MARK3: variants seen among roughly 807,000 people sequenced by gnomAD.
The protein encoded by MARK3 is MAP/microtubule affinity-regulating kinase 3.
Under a neutral mutation model 90.1 loss-of-function variants are expected in MARK3, and 46 were observed. The ratio of observed to expected loss-of-function variants is 0.51; its 90% CI spans 0.40 to 0.65. The LOEUF (loss-of-function observed/expected upper bound fraction) is 0.65, where lower values mean the gene tolerates loss of function less well. Among genes scored for constraint, MARK3 ranks in the 30% least tolerant of loss-of-function variants. The pLI, the probability that MARK3 is intolerant of heterozygous loss-of-function variation, is 0.00. For synonymous variants in MARK3, 321 were observed against 332.6 expected (o/e 0.97, Z 0.38); for missense variants, 818 against 947.2 (o/e 0.86, Z 1.79).
At chr14:103,485,070 A>AAAAT (rs1472139095) in intron 14 of MARK3, among the ~76,000 whole-genome samples, 1 of 145,054 alleles carries the variant, frequency 6.9e-6, no homozygotes, top group African/African-American at 2.6e-5. Context: ...ATACAAAAAA[A>AAAAT]AAAAAAAAAA....
chr14:103,458,813 T>C (rs1263726572), intron 6 of MARK3: 23 of 659,252 alleles, frequency 3.5e-5, no homozygotes, highest in Non-Finnish European at 4.9e-5. Context: ...ATAGGACTTA[T>C]TAAGTTTCTT....
chr14:103,465,459 A>T, intron 7 of MARK3, 98 bp from the exon 8 acceptor site: 1 of 781,498 alleles, frequency 1.3e-6, no homozygotes, highest in Non-Finnish European at 2.2e-6. Context: ...AGGTAACTTC[A>T]TATCATTACA....
intron 12 of MARK3, among the ~76,000 whole-genome samples, chr14:103,472,006 C>T (rs947111102): frequency 6.6e-6 from 1 of 151,822 alleles, no homozygotes; most frequent in Admixed American, 6.6e-5. Context: ...GTCAGGAGAT[C>T]GAGACCATCC....
At chr14:103,467,674 CA>C (rs10525116) in intron 11 of MARK3, 513 of 44,894 alleles carry the variant, frequency 0.011, 1 homozygote, top group South Asian at 0.041. Context: ...GACTCTGTCT[CA>C]AAAAAAAAAA....
intron 3 of MARK3, among the ~76,000 whole-genome samples, chr14:103,435,641 C>G (rs1248097065): frequency 6.6e-6 from 1 of 152,048 alleles, no homozygotes; most frequent in African/African-American, 2.4e-5. Flanking sequence ...ATCTCCTGAC[C>G]TCATGATCTG....
intron 5 of MARK3, among the ~76,000 whole-genome samples, chr14:103,452,324 T>C (rs573302193): frequency 6.6e-6 from 1 of 152,192 alleles, no homozygotes; most frequent in Admixed American, 6.5e-5. Context: ...CCAGAATGTT[T>C]TCATTTTCTA....
chr14:103,449,412 CAAAAAAAA>C (rs34657716), intron 4 of MARK3, among the ~76,000 whole-genome samples: 2 of 83,974 alleles, frequency 2.4e-5, no homozygotes, highest in Non-Finnish European at 4.6e-5. Context: ...CCCGTCTCTC[CAAAAAAAA>C]AAAAAAAAAA....
intron 13 of MARK3, among the ~76,000 whole-genome samples, chr14:103,479,385 T>C (rs1360303636): frequency 1.3e-5 from 2 of 152,222 alleles, no homozygotes; most frequent in Non-Finnish European, 2.9e-5. Context: ...TTGAGTAATA[T>C]GGTAACTCCA....
intron 1 of MARK3, among the ~76,000 whole-genome samples, chr14:103,400,011 T>C (rs1259018987): frequency 6.0e-5 from 9 of 151,256 alleles, no homozygotes; most frequent in Non-Finnish European, 1.3e-4. Flanking sequence ...TCACTGCAAC[T>C]GTCGCCTCCC....
In MARK3 at chr14:103,466,419, A is replaced by G; in HGVS notation, c.974A>G (p.Asp325Gly). The change falls in exon 10 of 18, where the codon GAC becomes GGC. Residue 325 changes from aspartate to glycine, a missense_variant. By Grantham distance (94) the Asp-to-Gly change is moderately conservative (BLOSUM62 -1). Transcript: ENST00000429436. Reference sequence around the variant, plus strand: ...AAACCATTTGTTGAACCAGAGCTAGACATCTCAGACCAAAAAAGAATAGGT... The same window carrying G: ...AAACCATTTGTTGAACCAGAGCTAGGCATCTCAGACCAAAAAAGAATAGGT... ...ELKPFVEPEL[D>G]ISDQKRIDIM... 1 of 1,613,088 alleles carries G rather than the reference A, an allele frequency of 6.2e-7. No individual in the cohort carries two copies. Among genetic ancestry groups the G allele is most frequent in the Non-Finnish European group, 8.5e-7 (1 of 1,179,142 alleles).
intron 1 of MARK3, among the ~76,000 whole-genome samples, chr14:103,394,819 G>T (rs1413169898): frequency 6.6e-6 from 1 of 152,106 alleles, no homozygotes; most frequent in African/African-American, 2.4e-5. Context: ...GTCTTGCTCT[G>T]TTGCCCAGGC....
At chr14:103,388,210 C>T (rs761132757) in intron 1 of MARK3, among the ~76,000 whole-genome samples, 1 of 152,218 alleles carries the variant, frequency 6.6e-6, no homozygotes, top group African/African-American at 2.4e-5. Context: ...GGATTACAGG[C>T]GTGAGCCACC....
chr14:103,477,914 A>G (rs571664928), intron 13 of MARK3, among the ~76,000 whole-genome samples: 1 of 151,670 alleles, frequency 6.6e-6, no homozygotes, highest in East Asian at 1.9e-4. Flanking sequence ...TGGGAAGATC[A>G]TTTCAGCCCA....
chr14:103,414,198 T>TTTCC, intron 2 of MARK3, among the ~76,000 whole-genome samples: 1 of 141,100 alleles, frequency 7.1e-6, no homozygotes, highest in South Asian at 2.3e-4. Flanking sequence ...AGTACTTTTC[T>TTTCC]TTTCTTTCTT....
chr14:103,389,223 G>T (rs1269734542), intron 1 of MARK3, among the ~76,000 whole-genome samples: 1 of 151,810 alleles, frequency 6.6e-6, no homozygotes, highest in Non-Finnish European at 1.5e-5. Context: ...AATTAGCCGG[G>T]CGTGGTGGCA....
At chr14:103,451,007 T>C (rs1055377355) in intron 4 of MARK3, among the ~76,000 whole-genome samples, 2 of 138,768 alleles carry the variant, frequency 1.4e-5, no homozygotes, top group Non-Finnish European at 3.1e-5. Flanking sequence ...CTCAGGTCAC[T>C]GCAACCTCCA....
At chr14:103,386,142 G>A in intron 1 of MARK3, 62 bp downstream of exon 1, 1 of 1,474,686 alleles carries the variant, frequency 6.8e-7, no homozygotes, top group Non-Finnish European at 9.5e-7. Context: ...TCCTCGGGCA[G>A]TGCCTTGCAG....
intron 12 of MARK3, among the ~76,000 whole-genome samples, chr14:103,474,495 C>G (rs79427537): frequency 1.3e-5 from 2 of 152,228 alleles, no homozygotes; most frequent in African/African-American, 4.8e-5. Context: ...ACACCTTCCC[C>G]TGTCTACTCA....
At chr14:103,473,999 A>G (rs1339020471) in intron 12 of MARK3, among the ~76,000 whole-genome samples, 2 of 151,072 alleles carry the variant, frequency 1.3e-5, no homozygotes, top group Non-Finnish European at 2.9e-5. Context: ...GATCGAGACC[A>G]TCCTGGCTAA....
Sources: allele counts gnomAD v4.1 joint callset (sites outside exome capture counted in the v4.1 genomes callset), GRCh38; gene constraint gnomAD v4.1.1; transcripts MANE v1.5; gene names NCBI Gene and HGNC (gene_info 2026-07-23, HGNC 2026-07-21).